ZFHX3: variants seen among roughly 807,000 people sequenced by gnomAD.
ZFHX3 encodes the protein zinc finger homeobox protein 3.
A neutral mutation model predicts 279.1 loss-of-function variants in ZFHX3; 42 were observed. The observed-to-expected ratio is 0.15, with a 90% CI of 0.12 to 0.19. ZFHX3 has a LOEUF of 0.19. Among genes scored for constraint, ZFHX3 ranks in the 10% least tolerant of loss-of-function variants. ZFHX3 has a pLI of 1.00. For synonymous variants in ZFHX3, 2,293 were observed against 1,957.8 expected, an observed-to-expected ratio of 1.17 and a Z score of -4.52; for missense variants, 4,981 against 4,754.0, an observed-to-expected ratio of 1.05 and a Z score of -1.40.
intron 2 of ZFHX3, among the ~76,000 whole-genome samples, chr16:73,524,430 A>G (rs985424275): frequency 3.3e-5 from 5 of 152,182 alleles, no homozygotes; most frequent in Non-Finnish European, 7.3e-5. Flanking sequence ...TTCCATGACA[A>G]CATATGCACG....
At chr16:73,524,173 C>G (rs1327742188) in intron 2 of ZFHX3, among the ~76,000 whole-genome samples, 1 of 152,186 alleles carries the variant, frequency 6.6e-6, no homozygotes, top group African/African-American at 2.4e-5. Context: ...AGCCATCTCT[C>G]TGTGCACCTA....
At chr16:73,568,961 A>G (rs901055178) in intron 2 of ZFHX3, among the ~76,000 whole-genome samples, 11 of 152,026 alleles carry the variant, frequency 7.2e-5, no homozygotes, top group African/African-American at 1.9e-4. Context: ...CGGCGACTCA[A>G]CTTCACAGCT....
intron 4 of ZFHX3, among the ~76,000 whole-genome samples, chr16:72,836,989 A>G (rs905738575): frequency 6.6e-6 from 1 of 152,200 alleles, no homozygotes; most frequent in African/African-American, 2.4e-5. Context: ...ACTCCAGCGC[A>G]TGAATAAAGC....
intron 1 of ZFHX3, among the ~76,000 whole-genome samples, chr16:73,782,699 T>G (rs1959513425): frequency 2.0e-5 from 3 of 152,160 alleles, no homozygotes; most frequent in African/African-American, 4.8e-5. Context: ...GCATTAAAAG[T>G]TGGCGCATGA....
At chr16:73,309,295 A>G (rs2143158620) in intron 4 of ZFHX3, among the ~76,000 whole-genome samples, 1 of 152,058 alleles carries the variant, frequency 6.6e-6, no homozygotes, top group Non-Finnish European at 1.5e-5. Context: ...TGTTCTCATC[A>G]TTTAGCTCCC....
intron 3 of ZFHX3, among the ~76,000 whole-genome samples, chr16:73,347,777 C>T (rs1021285238): frequency 6.6e-6 from 1 of 152,352 alleles, no homozygotes; most frequent in East Asian, 1.9e-4. Flanking sequence ...GGTTTATTTA[C>T]AACCAGAGCT....
At chr16:72,865,296 G>A (rs916376996) in intron 4 of ZFHX3, among the ~76,000 whole-genome samples, 3 of 152,188 alleles carry the variant, frequency 2.0e-5, no homozygotes, top group Admixed American at 1.3e-4. Context: ...TGGGAAAAGG[G>A]CTTGTGGCTG....
At chr16:73,211,583 A>T (rs559054058) in intron 5 of ZFHX3, among the ~76,000 whole-genome samples, 2 of 152,306 alleles carry the variant, frequency 1.3e-5, no homozygotes, top group African/African-American at 4.8e-5. Context: ...CTAGATGGAG[A>T]AAACCCCTGG....
rs746675444 is a variant in ZFHX3, at chr16:73,641,382, G to A, written c.-1547+38798C>T. Among the ~76,000 whole-genome samples, 10 of 152,246 alleles carry A rather than the reference G, an allele frequency of 6.6e-5. No homozygotes were observed. In the East Asian group the frequency reaches 9.7e-4, roughly 15 times the overall value. On this transcript the variant is annotated intron_variant, in intron 2 of 17. Transcript: ENST00000641206. ...GCAGACCTAGAAAGTAACTGCCCAC[G>A]CTGGAGTGGAGACATGCGGCCCCCT... is the stretch of plus-strand genomic sequence containing the variant.
chr16:73,604,114 A>G (rs901898926), intron 2 of ZFHX3, among the ~76,000 whole-genome samples: 2 of 152,090 alleles, frequency 1.3e-5, no homozygotes, highest in African/African-American at 2.4e-5. Context: ...TAGACTAGAA[A>G]ACCAAATGCA....
intron 1 of ZFHX3, among the ~76,000 whole-genome samples, chr16:73,736,210 A>G (rs1191891519): frequency 6.6e-6 from 1 of 152,162 alleles, no homozygotes; most frequent in Non-Finnish European, 1.5e-5. Flanking sequence ...TTTCTAGTTC[A>G]TCGTCACCCT....
chr16:73,097,519 T>C (rs564821634), intron 7 of ZFHX3, among the ~76,000 whole-genome samples: 2 of 152,308 alleles, frequency 1.3e-5, no homozygotes, highest in African/African-American at 2.4e-5. Flanking sequence ...GATTTATATA[T>C]ACATATGTCT....
chr16:73,597,041 T>C (rs2052058131), intron 2 of ZFHX3, among the ~76,000 whole-genome samples: 2 of 152,234 alleles, frequency 1.3e-5, no homozygotes, highest in Admixed American at 6.5e-5. Flanking sequence ...TTCTGGATAC[T>C]GTTCATCACC....
At chr16:73,737,698 C>T (rs750348355) in intron 1 of ZFHX3, among the ~76,000 whole-genome samples, 2 of 151,894 alleles carry the variant, frequency 1.3e-5, no homozygotes, top group Non-Finnish European at 2.9e-5. Flanking sequence ...AAAAAAATCC[C>T]ACAAAGCTGA....
At chr16:72,951,952 A>G (rs1287985398) in intron 2 of ZFHX3, among the ~76,000 whole-genome samples, 1 of 152,244 alleles carries the variant, frequency 6.6e-6, no homozygotes, top group Non-Finnish European at 1.5e-5. Context: ...TCTCTAAAGC[A>G]AAGATCTGGG....
chr16:72,950,938 C>T lies in ZFHX3; in HGVS notation c.2747G>A (p.Arg916Gln), dbSNP rs761672999. 56 of 1,613,784 alleles carry T rather than the reference C, an allele frequency of 3.5e-5. 2 individuals are homozygous for T. Among genetic ancestry groups the T allele is most frequent in the Non-Finnish European group, 2.5e-6 (3 of 1,179,972 alleles). Residue 916 changes from arginine to glutamine, a missense_variant, in exon 3 of 10, where the codon CGG becomes CAG. Coordinates refer to ENST00000268489, the MANE Select transcript of ZFHX3 (RefSeq NM_006885.4). The stretch of plus-strand genomic sequence containing the variant: ...TGACACCAGCTGCCCGCCCCCGAGC[C>T]GCATGTCTAGGGGGATCTCACCGCC... ...LVGGEIPLDM[R>Q]LGGGQLVSEE...
chr16:73,321,141 C>G (rs965509433), intron 3 of ZFHX3, among the ~76,000 whole-genome samples: 1 of 152,222 alleles, frequency 6.6e-6, no homozygotes, highest in Non-Finnish European at 1.5e-5. Context: ...CATAAATTGC[C>G]TCCTCCACTC....
chr16:73,516,288 G>A (rs2019520360), intron 2 of ZFHX3, among the ~76,000 whole-genome samples: 3 of 152,156 alleles, frequency 2.0e-5, no homozygotes, highest in South Asian at 2.1e-4. Flanking sequence ...ACATCCTACC[G>A]TGGCTGATGT....
Position 72,818,804 on chromosome 16 carries a change from G to A in ZFHX3, c.3530-6766C>T, listed in dbSNP as rs547586597. Among the ~76,000 whole-genome samples the A allele has an allele frequency of 1.9e-4, 29 of 152,262 alleles. No individual in the cohort carries two copies. In the South Asian group the frequency reaches 5.4e-3, roughly 28 times the overall value. On this transcript the variant is annotated intron_variant, in intron 5 of 9. Transcript: ENST00000268489. Reference sequence around the variant, plus strand: ...AGGAAATGCAAGCTATCTCGCTCCCGTATATCCCTAGAAAACACCTACCCC... The same window carrying A: ...AGGAAATGCAAGCTATCTCGCTCCCATATATCCCTAGAAAACACCTACCCC...
Sources: gnomAD v4.1 joint callset for allele counts (sites outside exome capture counted in the v4.1 genomes callset) on GRCh38, gnomAD v4.1.1 for gene constraint, MANE v1.5 for transcripts, NCBI Gene and HGNC (gene_info 2026-07-23, HGNC 2026-07-21) for gene names.